The following ADAM32 variants were observed in gnomAD, a reference collection of about 807,000 sequenced individuals.
ADAM32 encodes disintegrin and metalloproteinase domain-containing protein 32.
ADAM32 carries 89 observed loss-of-function variants against 114.9 expected under a neutral mutation model. That is an observed-to-expected ratio of 0.77 (90% CI 0.65 to 0.92). ADAM32 has a LOEUF of 0.92. Ranked by LOEUF, ADAM32 falls within the 40% of genes least tolerant of loss-of-function variation. ADAM32 has a pLI of 0.00. For missense variants in ADAM32, 870 were observed against 932.8 expected, an observed-to-expected ratio of 0.93 and a Z score of 0.88; for synonymous variants, 285 against 307.5, an observed-to-expected ratio of 0.93 and a Z score of 0.77.
At chr8:39,113,745 C>T (rs1444351655) in intron 1 of ADAM32, among the ~76,000 whole-genome samples, 2 of 152,132 alleles carry the variant, frequency 1.3e-5, no homozygotes, top group African/African-American at 4.8e-5. Context: ...TGATGTCTTT[C>T]ACATCATGCA....
intron 20 of ADAM32, among the ~76,000 whole-genome samples, chr8:39,274,105 G>A (rs902694520): frequency 1.1e-4 from 17 of 152,118 alleles, no homozygotes; most frequent in Admixed American, 5.2e-4. Context: ...GATTTGAAAT[G>A]TGCCCTTCTT....
chr8:39,170,929 A>G (rs1307274865), intron 10 of ADAM32, among the ~76,000 whole-genome samples: 2 of 151,974 alleles, frequency 1.3e-5, no homozygotes, highest in Non-Finnish European at 2.9e-5. Flanking sequence ...AGAAGGAATA[A>G]GTTCTAGTAT....
At chr8:39,254,335 G>T in intron 17 of ADAM32, 79 bp from the exon 18 acceptor site, 1 of 1,206,104 alleles carries the variant, frequency 8.3e-7, no homozygotes, top group Non-Finnish European at 1.2e-6. Context: ...CTAGATTATG[G>T]TACAAAAGTA....
At chr8:39,256,788 A>G (rs1585659443) in intron 18 of ADAM32, among the ~76,000 whole-genome samples, 1 of 152,046 alleles carries the variant, frequency 6.6e-6, no homozygotes, top group Non-Finnish European at 1.5e-5. Context: ...AAAGCCAACA[A>G]TCTACCAAAG....
chr8:39,281,521 T>C (rs751162574), intron 23 of ADAM32, among the ~76,000 whole-genome samples: 5 of 152,338 alleles, frequency 3.3e-5, no homozygotes, highest in Non-Finnish European at 7.3e-5. Flanking sequence ...GGGGAAATAG[T>C]ACTTTTTCAG....
At chr8:39,230,464 C>T (rs1426990764) in intron 14 of ADAM32, among the ~76,000 whole-genome samples, 1 of 152,186 alleles carries the variant, frequency 6.6e-6, no homozygotes, top group Non-Finnish European at 1.5e-5. Context: ...CATCTGACTG[C>T]TTTGTGACCA....
chr8:39,199,876 G>GT (rs1807276411), intron 11 of ADAM32, among the ~76,000 whole-genome samples: 1 of 151,560 alleles, frequency 6.6e-6, no homozygotes, highest in Non-Finnish European at 1.5e-5. Context: ...GCGGTGTTTG[G>GT]TTTTTTGTCC....
Position 39,242,262 on chromosome 8 carries a change from A to G in ADAM32, c.1819-3821A>G, listed in dbSNP as rs551359233. On this transcript the variant is annotated intron_variant, in intron 16 of 24. Coordinates refer to ENST00000379907, the MANE Select transcript of ADAM32 (RefSeq NM_145004.7). ...GTTCCAAACTTTCCCACATGTTTCT[A>G]TTTTCTTCTGAGCCCTCCAAACTGT... Among the ~76,000 whole-genome samples the G allele has an allele frequency of 4.2e-4, 64 of 152,204 alleles. No homozygotes were observed. In the South Asian group the frequency reaches 0.01, roughly 25 times the overall value.
intron 17 of ADAM32, 59 bp from the exon 18 acceptor site, chr8:39,254,355 C>A (rs1036255814): frequency 2.2e-6 from 3 of 1,364,090 alleles, no homozygotes; most frequent in Non-Finnish European, 3.0e-6. Flanking sequence ...AAGCTTGATG[C>A]TCACCTTCTC....
chr8:39,281,664 A>G (rs1322330093), intron 23 of ADAM32, among the ~76,000 whole-genome samples: 1 of 152,152 alleles, frequency 6.6e-6, no homozygotes, highest in African/African-American at 2.4e-5. Context: ...AATGTCCCAC[A>G]CCTATGTTAA....
intron 9 of ADAM32, 186 bp downstream of exon 9, chr8:39,165,382 C>G (rs1213053768): frequency 6.2e-6 from 3 of 485,714 alleles, no homozygotes; most frequent in Non-Finnish European, 1.0e-5. Flanking sequence ...ACATTTATTT[C>G]TATGCTAATA....
chr8:39,150,627 T>C (rs1803765577), intron 5 of ADAM32, among the ~76,000 whole-genome samples: 1 of 152,128 alleles, frequency 6.6e-6, no homozygotes, highest in African/African-American at 2.4e-5. Context: ...CCACCTTCAT[T>C]TTGTAGTGTA....
At chr8:39,247,105 G>A (rs995647968) in intron 17 of ADAM32, among the ~76,000 whole-genome samples, 2 of 152,046 alleles carry the variant, frequency 1.3e-5, no homozygotes, top group Non-Finnish European at 2.9e-5. Flanking sequence ...CTCATCTACT[G>A]AAGAACATCT....
chr8:39,283,535 T>A (rs552262265), intron 23 of ADAM32, 51 bp from the exon 24 acceptor site: 7 of 1,375,296 alleles, frequency 5.1e-6, no homozygotes, highest in Non-Finnish European at 7.0e-6. Flanking sequence ...AACATAAGTT[T>A]GACAGGTTGT....
chr8:39,199,062 T>G (rs561611559), intron 11 of ADAM32, among the ~76,000 whole-genome samples: 7 of 152,374 alleles, frequency 4.6e-5, no homozygotes, highest in Non-Finnish European at 1.0e-4. Context: ...ATAAGGTTTC[T>G]GCTGAGAAAT....
At chr8:39,168,589 C>CA (rs1434861008) in intron 9 of ADAM32, 8 of 152,158 alleles carry the variant, frequency 5.3e-5, no homozygotes, top group Admixed American at 6.5e-5. Flanking sequence ...TTCATATGGC[C>CA]AAATTTGTTA....
chr8:39,249,621 C>T (rs747947498), intron 17 of ADAM32, among the ~76,000 whole-genome samples: 1 of 152,028 alleles, frequency 6.6e-6, no homozygotes, highest in Non-Finnish European at 1.5e-5. Flanking sequence ...TAATAGTGAA[C>T]CCATCTCAGC....
intron 19 of ADAM32, among the ~76,000 whole-genome samples, chr8:39,264,960 T>G (rs1213804291): frequency 6.6e-6 from 1 of 152,052 alleles, no homozygotes; most frequent in Admixed American, 6.6e-5. Context: ...CATTGTGGTG[T>G]TGTTGGGTGG....
chr8:39,274,382 A>C (rs185535084), intron 21 of ADAM32, 32 bp downstream of exon 21: 6 of 1,592,030 alleles, frequency 3.8e-6, no homozygotes, highest in Admixed American at 1.7e-5. Flanking sequence ...TTTAAGATAC[A>C]TGTTGAAAAT....
Sources: gnomAD v4.1 joint callset for allele counts (sites outside exome capture counted in the v4.1 genomes callset) on GRCh38, gnomAD v4.1.1 for gene constraint, MANE v1.5 for transcripts, NCBI Gene and HGNC (gene_info 2026-07-23, HGNC 2026-07-21) for gene names.